CSNK1G1: variants seen among roughly 807,000 people sequenced by gnomAD.
CSNK1G1 encodes the protein casein kinase 1 gamma 1.
Under a neutral mutation model 59.6 loss-of-function variants are expected in CSNK1G1, and 22 were observed. That is an observed-to-expected ratio of 0.37 (90% CI 0.26 to 0.53). CSNK1G1 has a LOEUF of 0.53. Ranked by LOEUF, CSNK1G1 falls within the 20% of genes least tolerant of loss-of-function variation. The probability of loss-of-function intolerance (pLI) is 0.89; values close to 1 mark genes in which losing one functional copy is unlikely to be tolerated. For synonymous variants in CSNK1G1, 179 were observed against 177.1 expected, an observed-to-expected ratio of 1.01 and a Z score of -0.08; for missense variants, 384 against 519.5, an observed-to-expected ratio of 0.74 and a Z score of 2.54.
intron 2 of CSNK1G1, among the ~76,000 whole-genome samples, chr15:64,276,242 A>G (rs761832886): frequency 1.3e-5 from 2 of 152,198 alleles, no homozygotes; most frequent in Admixed American, 6.5e-5. Context: ...AAAATGTTCT[A>G]TATTATAGTG....
intron 1 of CSNK1G1, among the ~76,000 whole-genome samples, chr15:64,354,373 AG>A (rs1898514955): frequency 6.6e-6 from 1 of 152,236 alleles, no homozygotes; most frequent in African/African-American, 2.4e-5. Flanking sequence ...TTCTCTTTAA[AG>A]AGACATGTGA....
chr15:64,226,164 G>A (rs559812120), intron 4 of CSNK1G1, among the ~76,000 whole-genome samples: 1 of 152,348 alleles, frequency 6.6e-6, no homozygotes, highest in East Asian at 1.9e-4. Context: ...AAAGTGCTGG[G>A]CACGTAAGCC....
chr15:64,272,738 T>C (rs1893390758), intron 2 of CSNK1G1, among the ~76,000 whole-genome samples: 1 of 151,960 alleles, frequency 6.6e-6, no homozygotes, highest in Non-Finnish European at 1.5e-5. Flanking sequence ...TCAAGATCTC[T>C]TGTAAGGCAG....
At position 64,335,142 on chromosome 15, in the gene CSNK1G1, C is replaced by A. The variant is rs554113361; in HGVS notation, c.-225+20846G>T. 2.3e-4 allele frequency among the ~76,000 whole-genome samples: 35 copies of A among 152,224 alleles called. No individual in the cohort carries two copies. In the East Asian group the frequency reaches 6.2e-3, roughly 27 times the overall value. On this transcript the variant is annotated intron_variant, in intron 1 of 11. Transcript: ENST00000303052. ...AACACATCCTGTGTGAGAAGGGTAG[C>A]CTAATACATGCTTTTAGGAAAAACA...
chr15:64,258,873 A>G (rs1054359094), intron 3 of CSNK1G1, among the ~76,000 whole-genome samples: 2 of 152,118 alleles, frequency 1.3e-5, no homozygotes, highest in African/African-American at 4.8e-5. Context: ...AAACAGTAAA[A>G]TTTTTGAATG....
intron 1 of CSNK1G1, chr15:64,335,997 A>G (rs953111929): frequency 6.6e-6 from 1 of 152,212 alleles, no homozygotes; most frequent in African/African-American, 2.4e-5. Context: ...CAGTTGCTCA[A>G]TAAATTTATG....
intron 6 of CSNK1G1, 63 bp downstream of exon 6, chr15:64,213,827 T>C (rs2082277875): frequency 1.8e-5 from 20 of 1,120,904 alleles, no homozygotes; most frequent in Middle Eastern, 2.0e-4. Flanking sequence ...GGGGATATAA[T>C]GTTACAGAAA....
At position 64,188,477 on chromosome 15, in the gene CSNK1G1, T is replaced by C; in HGVS notation, c.1108-8023A>G. The C allele has an allele frequency of 6.5e-7, 1 of 1,535,974 alleles. No homozygotes were observed. The highest frequency in any genetic ancestry group is 8.7e-7 in the Non-Finnish European group (1 of 1,146,772). ...TTTCCCACTCTCCTCGGCGCTCTGATGATACATTCTGCTTAGGCGTTAGAA... is the reference window on the plus strand; with the variant it reads ...TTTCCCACTCTCCTCGGCGCTCTGACGATACATTCTGCTTAGGCGTTAGAA... On this transcript the variant is annotated intron_variant, in intron 10 of 11. Coordinates refer to ENST00000303052, the MANE Select transcript of CSNK1G1 (RefSeq NM_022048.5). This position sits in a 1 kb window ranked among gnomAD's most constrained non-coding sequence, Gnocchi z 4.2.
intron 1 of CSNK1G1, among the ~76,000 whole-genome samples, chr15:64,311,526 A>G (rs1036369165): frequency 6.6e-6 from 1 of 152,188 alleles, no homozygotes; most frequent in Non-Finnish European, 1.5e-5. Flanking sequence ...GGTGTCACAC[A>G]CATATATTCC....
At chr15:64,284,086 A>C (rs1486829159) in intron 2 of CSNK1G1, among the ~76,000 whole-genome samples, 2 of 152,140 alleles carry the variant, frequency 1.3e-5, no homozygotes, top group African/African-American at 2.4e-5. Flanking sequence ...ACCACTTGTC[A>C]AAATAATTAT....
At chr15:64,295,523 G>A (rs1399709176) in intron 2 of CSNK1G1, among the ~76,000 whole-genome samples, 1 of 152,028 alleles carries the variant, frequency 6.6e-6, no homozygotes, top group African/African-American at 2.4e-5. Context: ...AAGACCAAAG[G>A]CCCTGCTACT....
chr15:64,262,448 A>G (rs1730594680), intron 2 of CSNK1G1, among the ~76,000 whole-genome samples: 1 of 152,250 alleles, frequency 6.6e-6, no homozygotes, highest in African/African-American at 2.4e-5. Context: ...GAACAATGAT[A>G]TGGATAAATG....
chr15:64,260,353 A>G (rs1291808962), intron 2 of CSNK1G1, among the ~76,000 whole-genome samples: 1 of 152,112 alleles, frequency 6.6e-6, no homozygotes, highest in East Asian at 1.9e-4. Context: ...TTTCTGTAAT[A>G]CATAGCGGAA....
intron 1 of CSNK1G1, among the ~76,000 whole-genome samples, chr15:64,317,909 A>G (rs1450298982): frequency 6.6e-6 from 1 of 152,198 alleles, no homozygotes; most frequent in Non-Finnish European, 1.5e-5. Context: ...AAATAATACC[A>G]GTTTCTCTAA....
intron 2 of CSNK1G1, among the ~76,000 whole-genome samples, chr15:64,298,375 A>T (rs181835487): frequency 2.3e-4 from 35 of 152,352 alleles, no homozygotes; most frequent in Admixed American, 4.6e-4. Context: ...TATTTAATCC[A>T]TCCAAGTAGT....
chr15:64,294,623 G>A (rs750320412), intron 2 of CSNK1G1, among the ~76,000 whole-genome samples: 4 of 151,982 alleles, frequency 2.6e-5, no homozygotes, highest in Non-Finnish European at 5.9e-5. Context: ...TAAAAAGATA[G>A]GGAAGGGCCA....
At chr15:64,239,404 C>G (rs1437331535) in intron 4 of CSNK1G1, among the ~76,000 whole-genome samples, 2 of 152,076 alleles carry the variant, frequency 1.3e-5, no homozygotes, top group African/African-American at 4.8e-5. Context: ...GAGACAGGAT[C>G]TCACTCTGTC....
chr15:64,268,652 A>G (rs979394233), intron 2 of CSNK1G1, among the ~76,000 whole-genome samples: 1 of 151,944 alleles, frequency 6.6e-6, no homozygotes, highest in Non-Finnish European at 1.5e-5. Context: ...TTCATTTTTT[A>G]TTCTTTTTAT....
At chr15:64,304,078 T>C (rs1271908941) in intron 1 of CSNK1G1, among the ~76,000 whole-genome samples, 2 of 152,050 alleles carry the variant, frequency 1.3e-5, no homozygotes, top group South Asian at 2.1e-4. Context: ...GACATAAGCA[T>C]TGTTCAATCT....
Sources: gnomAD v4.1 joint callset for allele counts (sites outside exome capture counted in the v4.1 genomes callset) on GRCh38, gnomAD v4.1.1 for gene constraint, Gnocchi (gnomAD v3.1) non-coding constraint, MANE v1.5 for transcripts, NCBI Gene and HGNC (gene_info 2026-07-23, HGNC 2026-07-21) for gene names.